The following MTSS2 variants were observed in gnomAD, a reference collection of about 807,000 sequenced individuals.
MTSS2 encodes MTSS I-BAR domain containing 2, also known as protein MTSS 2.
Under a neutral mutation model 67.1 loss-of-function variants are expected in MTSS2, and 27 were observed. That is an observed-to-expected ratio of 0.40 (90% CI 0.30 to 0.55). The LOEUF (loss-of-function observed/expected upper bound fraction) is 0.55. Ranked by LOEUF, MTSS2 falls within the 20% of genes least tolerant of loss-of-function variation. The pLI is 0.43. For missense variants in MTSS2, 1,171 were observed against 1,067.8 expected (o/e 1.10, Z -1.35); for synonymous variants, 624 against 468.6 (o/e 1.33, Z -4.28).
Position 70,678,264 on chromosome 16 carries a change from C to T in MTSS2, c.612G>A (p.Leu204=). ...RGRFCTFITF[L]QPVVNGELTM... is the part of the protein sequence containing the mutation. ...CCAGGAGTCCCACCACCACAGGCTG[C>T]AGGAAGGTGATGAAGGTGCAGAAGC... Residue 204 remains leucine (L), a synonymous_variant, in exon 8 of 15, where the codon CTG becomes CTA. Coordinates refer to ENST00000338779, the MANE Select transcript of MTSS2 (RefSeq NM_138383.3). 3 of 1,609,300 alleles carry T rather than the reference C, an allele frequency of 1.9e-6. No individual in the cohort carries two copies. Among genetic ancestry groups the T allele is most frequent in the Non-Finnish European group, 2.5e-6 (3 of 1,178,640 alleles).
At chr16:70,680,908 C>CTG in intron 2 of MTSS2, 41 bp from the exon 3 acceptor site, 1 of 1,174,318 alleles carries the variant, frequency 8.5e-7, no homozygotes. Context: ...GGTGGTTGGG[C>CTG]GGGGGGGGGG....
chr16:70,672,408 G>A (rs939236335), intron 11 of MTSS2, among the ~76,000 whole-genome samples: 1 of 150,898 alleles, frequency 6.6e-6, no homozygotes, highest in Non-Finnish European at 1.5e-5. Context: ...CCTGAATTGG[G>A]TCATGGACCC....
intron 9 of MTSS2, among the ~76,000 whole-genome samples, chr16:70,677,496 C>T (rs553435334): frequency 6.6e-6 from 1 of 152,090 alleles, no homozygotes; most frequent in Non-Finnish European, 1.5e-5. Context: ...TCTCCAGGTT[C>T]GGCAGGAGGT....
Position 70,665,595 on chromosome 16 carries a change from GGAGGA to G in MTSS2, c.1054-60_1054-56del, listed in dbSNP as rs1197569386. ...AGACAGAGGGGCCGGCAGGCAGCAA[GGAGGA>G]GAGGAGAGAACAGTTTTGGTCACAG... On this transcript the variant is annotated intron_variant, in intron 11 of 14. Transcript: ENST00000338779. 4.1e-6 allele frequency: 6 copies of G among 1,455,984 alleles called. No homozygotes were observed. The African/African-American group carries it at 5.6e-5, about 14-fold the overall frequency. The allele number at this position is 1,455,984 out of a possible 1,614,324, so 90.2% of individuals were successfully genotyped here.
intron 7 of MTSS2, 105 bp downstream of exon 7, chr16:70,679,210 T>TCCTCTTC: frequency 6.9e-7 from 1 of 1,451,062 alleles, no homozygotes; most frequent in Non-Finnish European, 9.7e-7. Flanking sequence ...CTTCCTCGCT[T>TCCTCTTC]CTCCTTGGCC....
intron 11 of MTSS2, among the ~76,000 whole-genome samples, chr16:70,669,420 C>T (rs952236056): frequency 1.3e-5 from 2 of 152,200 alleles, no homozygotes; most frequent in Non-Finnish European, 1.5e-5. Flanking sequence ...CAATGGCACA[C>T]ATCTGTAGTC....
At chr16:70,665,853 G>A in intron 11 of MTSS2, 1 of 256,724 alleles carries the variant, frequency 3.9e-6, no homozygotes, top group South Asian at 7.6e-5. Context: ...AGATACTAAG[G>A]GCGGCAGCTG....
chr16:70,682,142 G>T (rs996014744), intron 1 of MTSS2, among the ~76,000 whole-genome samples: 5 of 152,158 alleles, frequency 3.3e-5, no homozygotes, highest in African/African-American at 1.2e-4. Flanking sequence ...CGGCTTAGGG[G>T]GCCTCAGAAT....
rs772084391 is a variant in MTSS2 at position 70,678,416 on chromosome 16, G to A, written c.467-7C>T. ...GGCTGCAGGTCTCCTTTCCCTGGAG[G>A]GGTGGGGAGGAGAGGCCTTGCTGGG... On this transcript the variant is annotated splice_polypyrimidine_tract_variant and splice_region_variant and intron_variant, in intron 7 of 14. Coordinates refer to ENST00000338779, the MANE Select transcript of MTSS2 (RefSeq NM_138383.3). The A allele has an allele frequency of 3.7e-6, 6 of 1,605,928 alleles. No homozygotes were observed. The highest frequency in any genetic ancestry group is 2.2e-5 in the South Asian group (2 of 90,548).
Position 70,663,730 on chromosome 16 carries a change from C to T in MTSS2, c.2191G>A (p.Val731Ile), listed in dbSNP as rs1216321785. The change falls in exon 15 of 15, where the codon GTC becomes ATC. Residue 731 changes from valine (V) to isoleucine (I), a missense_variant. By Grantham distance (29) the Val-to-Ile change is conservative (BLOSUM62 3). Coordinates refer to ENST00000338779, the MANE Select transcript of MTSS2 (RefSeq NM_138383.3). ...EDMLVAIRRG[V>I]RLRRTVTNDR... ...TTGGTGACGGTCCTGCGGAGCCGGA[C>T]CCCACGCCGGATGGCCACCAGCATG... is the stretch of plus-strand genomic sequence containing the variant. 5 of 1,580,126 alleles carry T rather than the reference C, an allele frequency of 3.2e-6. No homozygotes were observed. The African/African-American group carries it at 4.0e-5, about 13-fold the overall frequency.
chr16:70,674,599 G>C (rs1029144836), intron 10 of MTSS2, 71 bp from the exon 11 acceptor site: 9 of 1,368,770 alleles, frequency 6.6e-6, no homozygotes, highest in Admixed American at 1.9e-5. Flanking sequence ...GGGGGAGGTT[G>C]ACAAACGAGG....
In MTSS2 at chr16:70,664,425, A is replaced by G; in HGVS notation, c.1496T>C (p.Val499Ala). 1 of 1,545,486 alleles carries G rather than the reference A, an allele frequency of 6.5e-7. No homozygotes were observed. Among genetic ancestry groups the G allele is most frequent in the South Asian group, 1.3e-5 (1 of 78,310 alleles). The change falls in exon 15 of 15, where the codon GTG becomes GCG. Residue 499 changes from valine (V) to alanine (A), a missense_variant. Physicochemically the swap from Val to Ala is moderately conservative, Grantham distance 64. Around this residue, in one of 2 missense-constraint regions of MTSS2, gnomAD observed 924 missense variants for 756.0 expected, o/e 1.22. Transcript: ENST00000338779. ...SQGSDYDCYS[V>A]NGDADSEGPP... ...GCCCTCGCTGTCCGCATCCCCATTC[A>G]CGGAGTAGCAGTCGTAGTCGGAGCC...
chr16:70,680,173 C>T (rs2053257447), intron 3 of MTSS2, 118 bp from the exon 4 acceptor site: 2 of 490,624 alleles, frequency 4.1e-6, no homozygotes, highest in African/African-American at 4.2e-5. Flanking sequence ...GCCCTGCCCC[C>T]GCCGAGCCGC....
intron 7 of MTSS2, among the ~76,000 whole-genome samples, chr16:70,678,916 G>A (rs2053208213): frequency 6.6e-6 from 1 of 152,184 alleles, no homozygotes; most frequent in Non-Finnish European, 1.5e-5. Flanking sequence ...AGCTCAGGGA[G>A]CAGAGCACAC....
Position 70,678,665 on chromosome 16 carries a change from G to A in MTSS2, c.467-256C>T, listed in dbSNP as rs182574882. 5.7e-3 allele frequency among the ~76,000 whole-genome samples: 862 copies of A among 152,326 alleles called. 4 individuals are homozygous for A. Among genetic ancestry groups the A allele is most frequent in the Non-Finnish European group, 9.8e-3 (669 of 68,030 alleles). ...AGCCACGCTGGATTGGGGCATCTCC[G>A]GGGGAGGCTCTTGGCGCCCAGGAGC... is the stretch of plus-strand genomic sequence containing the variant. On this transcript the variant is annotated intron_variant, in intron 7 of 14. Coordinates refer to ENST00000338779, the MANE Select transcript of MTSS2 (RefSeq NM_138383.3).
chr16:70,664,134 G>A lies in MTSS2; in HGVS notation c.1787C>T (p.Pro596Leu). 1 of 1,610,470 alleles carries A rather than the reference G, an allele frequency of 6.2e-7. No individual in the cohort carries two copies. Among genetic ancestry groups the A allele is most frequent in the South Asian group, 1.1e-5 (1 of 91,040 alleles). ...IRPPIVPVKTPTVPDSPGYMG... is the reference protein window; with the variant it reads ...IRPPIVPVKTLTVPDSPGYMG... ...GTAGCCGGGGGAGTCAGGCACCGTG[G>A]GCGTCTTCACAGGGACGATGGGCGG... Residue 596 changes from proline to leucine, a missense_variant, in exon 15 of 15, where the codon CCC becomes CTC. Around this residue, in one of 2 missense-constraint regions of MTSS2, gnomAD observed 924 missense variants for 756.0 expected, o/e 1.22. Coordinates refer to ENST00000338779, the MANE Select transcript of MTSS2 (RefSeq NM_138383.3).
chr16:70,672,585 A>G (rs535463056), intron 11 of MTSS2, among the ~76,000 whole-genome samples: 4 of 151,804 alleles, frequency 2.6e-5, no homozygotes, highest in African/African-American at 7.2e-5. Flanking sequence ...GGAACTCTAC[A>G]TATTTTACAA....
rs534756257 is a variant in MTSS2 at position 70,678,596 on chromosome 16, CAG to C, written c.467-189_467-188del. Among the ~76,000 whole-genome samples the C allele has an allele frequency of 2.3e-3, 351 of 152,340 alleles. 3 individuals carry two copies. Among genetic ancestry groups the C allele is most frequent in the African/African-American group, 7.9e-3 (329 of 41,588 alleles). On this transcript the variant is annotated intron_variant, in intron 7 of 14. Coordinates refer to ENST00000338779, the MANE Select transcript of MTSS2 (RefSeq NM_138383.3). ...GAAGGGCTAGTCCCACCAAAGCAGG[CAG>C]AGAGGACAGACACACACACAAGAAA...
In MTSS2 at chr16:70,663,836, G is replaced by C; in HGVS notation, c.2085C>G (p.Phe695Leu). 6.5e-7 allele frequency: 1 copy of C among 1,539,930 alleles called. No homozygotes were observed. The highest frequency in any genetic ancestry group is 1.2e-5 in the South Asian group (1 of 83,604). Reference sequence around the variant, plus strand: ...TGGGGGTGGCCGACAGAGCAGTGGGGAAGGGGAACTGGCCCTCACCCAGTG... The same window carrying C: ...TGGGGGTGGCCGACAGAGCAGTGGGCAAGGGGAACTGGCCCTCACCCAGTG... ...AHALGEGQFP[F>L]PTALSATPTE... Residue 695 changes from phenylalanine (F) to leucine (L), a missense_variant, in exon 15 of 15, where the codon TTC becomes TTG. Coordinates refer to ENST00000338779, the MANE Select transcript of MTSS2 (RefSeq NM_138383.3).
Sources: allele counts gnomAD v4.1 joint callset (sites outside exome capture counted in the v4.1 genomes callset), GRCh38; gene constraint gnomAD v4.1.1; regional missense constraint gnomAD v4.1.1; transcripts MANE v1.5; gene names NCBI Gene and HGNC (gene_info 2026-07-23, HGNC 2026-07-21).